FBRSL1: variants seen among roughly 807,000 people sequenced by gnomAD.
FBRSL1 encodes fibrosin-1-like protein.
In FBRSL1, 51 loss-of-function variants were observed where a neutral mutation model predicts 89.6. The observed-to-expected ratio is 0.57, with a 90% CI of 0.45 to 0.72. The LOEUF is 0.72. FBRSL1 is among the 30% of genes least tolerant of loss of function. The pLI, the probability that FBRSL1 is intolerant of heterozygous loss-of-function variation, is 0.00. For missense variants in FBRSL1, 1,618 were observed against 1,451.8 expected (o/e 1.11, Z -1.86); for synonymous variants, 779 against 681.1 (o/e 1.14, Z -2.24).
intron 2 of FBRSL1, chr12:132,509,496 C>G: frequency 8.1e-7 from 1 of 1,238,686 alleles, no homozygotes; most frequent in Non-Finnish European, 1.0e-6. Flanking sequence ...ACGCCCGGCC[C>G]AGCCCTGCCG....
At chr12:132,515,953 A>G (rs1480197556) in intron 2 of FBRSL1, among the ~76,000 whole-genome samples, 1 of 152,100 alleles carries the variant, frequency 6.6e-6, no homozygotes, top group Non-Finnish European at 1.5e-5. Flanking sequence ...AATAGAGGAA[A>G]TGAACAATGC....
In FBRSL1 at chr12:132,581,420, A is replaced by G; in HGVS notation, c.1835-19A>G. 1 of 1,550,702 alleles carries G rather than the reference A, an allele frequency of 6.4e-7. No individual in the cohort carries two copies. The highest frequency in any genetic ancestry group is 8.7e-7 in the Non-Finnish European group (1 of 1,146,874). On this transcript the variant is annotated intron_variant, in intron 15 of 18. Transcript: ENST00000680143. ...GGTGCTCTCTCCTGGCTTCTGTCAA[A>G]CCTGGCTGCCCCCCCCAGGTGCCGC...
intron 4 of FBRSL1, among the ~76,000 whole-genome samples, chr12:132,545,958 G>T (rs1461416817): frequency 1.3e-5 from 2 of 152,200 alleles, no homozygotes; most frequent in African/African-American, 4.8e-5. Flanking sequence ...TGGTGGGGCT[G>T]CCTCCTGTCC....
At chr12:132,527,671 C>T (rs1229908149) in intron 3 of FBRSL1, among the ~76,000 whole-genome samples, 16 of 133,116 alleles carry the variant, frequency 1.2e-4, no homozygotes, top group Non-Finnish European at 1.6e-4. Context: ...TTGTGGGCTG[C>T]GGGGCTGTGG....
chr12:132,577,567 G>A (rs2040457756), intron 15 of FBRSL1, among the ~76,000 whole-genome samples: 1 of 152,034 alleles, frequency 6.6e-6, no homozygotes, highest in African/African-American at 2.4e-5. Context: ...GCACGGCCCA[G>A]GGTGGGATCT....
At chr12:132,580,874 C>T in intron 15 of FBRSL1, 1 of 985,394 alleles carries the variant, frequency 1.0e-6, no homozygotes, top group Non-Finnish European at 1.2e-6. Flanking sequence ...CCTCCCAGGG[C>T]CCGGGCCCAG....
At chr12:132,504,260 T>C (rs1384329471) in intron 1 of FBRSL1, among the ~76,000 whole-genome samples, 1 of 152,164 alleles carries the variant, frequency 6.6e-6, no homozygotes, top group African/African-American at 2.4e-5. Context: ...CAGGGCTCTG[T>C]GTGTGCTGAG....
At position 132,556,538 on chromosome 12, in the gene FBRSL1, G is replaced by C. The variant is rs186087131; in HGVS notation, c.645+8506G>C. Among the ~76,000 whole-genome samples the C allele has an allele frequency of 6.0e-3, 266 of 44,218 alleles. 2 individuals carry two copies. Among genetic ancestry groups the C allele is most frequent in the African/African-American group, 0.018 (143 of 7,970 alleles). The allele number at this position is 44,218 out of a possible 152,430, so 29.0% of individuals were successfully genotyped here. A position where few individuals can be genotyped will look rare whatever the true frequency, so the allele number is the denominator to read the frequency against. ...GTGGGACGCTCCTCTCCAGGCCTTC[G>C]TGCTGCACCCCCCTCCACCCACCCC... is the stretch of plus-strand genomic sequence containing the variant. On this transcript the variant is annotated intron_variant, in intron 5 of 18. Transcript: ENST00000680143.
chr12:132,564,295 G>A (rs1369936112), intron 5 of FBRSL1, among the ~76,000 whole-genome samples: 1 of 152,204 alleles, frequency 6.6e-6, no homozygotes, highest in African/African-American at 2.4e-5. Context: ...GCTGGGCCAC[G>A]TGGGATTCAG....
intron 6 of FBRSL1, among the ~76,000 whole-genome samples, chr12:132,569,178 G>A (rs4883549): frequency 2.7e-5 from 4 of 145,524 alleles, no homozygotes; most frequent in African/African-American, 5.0e-5. Flanking sequence ...AGACCTGCCC[G>A]AAGGGGCCTG....
chr12:132,571,141 T>A lies in FBRSL1; in HGVS notation c.1287T>A (p.Thr429=). Residue 429 remains threonine (T), a synonymous_variant, in exon 9 of 19, where the codon ACT becomes ACA. Transcript: ENST00000680143. Reference sequence around the variant, plus strand: ...CTCATTCGGGAATTCTGATTGGTACTTGGTCACAGGCTCCTCTCTTACCTG... The same window carrying A: ...CTCATTCGGGAATTCTGATTGGTACATGGTCACAGGCTCCTCTCTTACCTG... The part of the protein sequence containing the change: ...CQPHSGILIG[T]WSQAPLLPAP... 1 of 1,394,208 alleles carries A rather than the reference T, an allele frequency of 7.2e-7. No homozygotes were observed. The highest frequency in any genetic ancestry group is 9.3e-7 in the Non-Finnish European group (1 of 1,075,186). The allele number at this position is 1,394,208 out of a possible 1,614,324, so 86.4% of individuals were successfully genotyped here. A position where few individuals can be genotyped will look rare whatever the true frequency, so the allele number is the denominator to read the frequency against.
At chr12:132,512,968 A>T (rs1295799006) in intron 2 of FBRSL1, among the ~76,000 whole-genome samples, 1 of 152,124 alleles carries the variant, frequency 6.6e-6, no homozygotes, top group Non-Finnish European at 1.5e-5. Context: ...CGCCATGGGG[A>T]GGGCAGAGAC....
At chr12:132,528,025 C>T in intron 4 of FBRSL1, 37 bp downstream of exon 4, 1 of 1,547,496 alleles carries the variant, frequency 6.5e-7, no homozygotes, top group South Asian at 1.2e-5. Flanking sequence ...TCTTTGTCCC[C>T]CTGGGGCCTT....
chr12:132,542,538 C>T (rs1445328922), intron 4 of FBRSL1, among the ~76,000 whole-genome samples: 3 of 152,218 alleles, frequency 2.0e-5, no homozygotes, highest in African/African-American at 2.4e-5. Context: ...AGCAGAAACC[C>T]GGCCCTCACT....
intron 1 of FBRSL1, among the ~76,000 whole-genome samples, chr12:132,506,029 T>C (rs547726722): frequency 6.6e-6 from 1 of 152,306 alleles, no homozygotes; most frequent in East Asian, 1.9e-4. Flanking sequence ...GTCGGAGGCC[T>C]CTCCTCCTCG....
chr12:132,583,518 T>C lies in FBRSL1; in HGVS notation c.2749T>C (p.Leu917=). ...GCACCTGCCGCCCGCCGCCCCCGCC[T>C]TGGACGGCGCGCTGCTGCCCTCGCT... ...APHLPPAAPA[L]DGALLPSLGA... The change falls in exon 19 of 19, where the codon TTG becomes CTG. Residue 917 remains leucine (L), a synonymous_variant. Coordinates refer to ENST00000680143, the MANE Select transcript of FBRSL1 (RefSeq NM_001367871.1). The C allele has an allele frequency of 9.6e-7, 1 of 1,046,496 alleles. No homozygotes were observed. The highest frequency in any genetic ancestry group is 1.2e-6 in the Non-Finnish European group (1 of 868,958). The allele number at this position is 1,046,496 out of a possible 1,614,324, so 64.8% of individuals were successfully genotyped here.
chr12:132,570,756 T>A (rs950044116), intron 8 of FBRSL1, among the ~76,000 whole-genome samples: 2 of 152,196 alleles, frequency 1.3e-5, no homozygotes, highest in East Asian at 3.9e-4. Context: ...CACGTGCCCA[T>A]GCACGTACAG....
chr12:132,516,277 C>G (rs902198830), intron 2 of FBRSL1, among the ~76,000 whole-genome samples: 1 of 151,928 alleles, frequency 6.6e-6, no homozygotes. Context: ...CTCTGCCTCC[C>G]GGGTTCAAGC....
At chr12:132,527,808 C>T in intron 3 of FBRSL1, 145 bp from the exon 4 acceptor site, 1 of 770,062 alleles carries the variant, frequency 1.3e-6, no homozygotes, top group Non-Finnish European at 2.2e-6. Context: ...GGCTTCGGGT[C>T]TGTGGATCTG....
Sources: gnomAD v4.1 joint callset for allele counts (sites outside exome capture counted in the v4.1 genomes callset) on GRCh38, gnomAD v4.1.1 for gene constraint, MANE v1.5 for transcripts, NCBI Gene and HGNC (gene_info 2026-07-23, HGNC 2026-07-21) for gene names.